Variants in PEX7 observed in about 807,000 individuals in gnomAD.
PEX7 encodes the protein peroxisomal biogenesis factor 7.
Under a neutral mutation model 47.5 loss-of-function variants are expected in PEX7, and 34 were observed. The ratio of observed to expected loss-of-function variants is 0.72; its 90% confidence interval spans 0.54 to 0.95. The LOEUF (loss-of-function observed/expected upper bound fraction) is 0.95. Among genes scored for constraint, PEX7 ranks in the 40% least tolerant of loss-of-function variants. PEX7 has a pLI of 0.00. For synonymous variants in PEX7, 141 were observed against 148.8 expected, an observed-to-expected ratio of 0.95 and a Z score of 0.38; for missense variants, 394 against 400.3, an observed-to-expected ratio of 0.98 and a Z score of 0.13.
chr6:136,845,745 C>T, intron 4 of PEX7, 53 bp downstream of exon 4: 1 of 1,103,728 alleles, frequency 9.1e-7, no homozygotes, highest in Non-Finnish European at 1.4e-6. Flanking sequence ...CTAGAGCTTC[C>T]ACTAAATTTT....
intron 9 of PEX7, among the ~76,000 whole-genome samples, chr6:136,913,161 T>G (rs1246816693): frequency 2.0e-5 from 3 of 152,160 alleles, no homozygotes; most frequent in African/African-American, 7.2e-5. Context: ...AGTAGGGAAT[T>G]ATGTAGCTGT....
At chr6:136,882,769 A>G (rs9483964) in intron 8 of PEX7, among the ~76,000 whole-genome samples, 2,404 of 151,176 alleles carry the variant, frequency 0.016, 74 homozygotes, top group African/African-American at 0.056. Context: ...TTAGTCTCCA[A>G]CTCTTTAGTG....
chr6:136,902,770 A>G (rs116546521), intron 9 of PEX7, among the ~76,000 whole-genome samples: 34 of 152,320 alleles, frequency 2.2e-4, no homozygotes, highest in African/African-American at 6.3e-4. Flanking sequence ...TGCAGTATCA[A>G]TTCTGCTCTT....
intron 5 of PEX7, among the ~76,000 whole-genome samples, chr6:136,862,109 C>G (rs1774977635): frequency 6.9e-6 from 1 of 144,488 alleles, no homozygotes; most frequent in Non-Finnish European, 1.5e-5. Context: ...CTCCATTGCC[C>G]AGGCTGGAGT....
At chr6:136,880,269 C>T (rs1775354063) in intron 8 of PEX7, among the ~76,000 whole-genome samples, 1 of 152,066 alleles carries the variant, frequency 6.6e-6, no homozygotes, top group Non-Finnish European at 1.5e-5. Context: ...TTGAGGTTGG[C>T]ACCTTTCCTT....
chr6:136,882,865 G>C (rs1220519681), intron 8 of PEX7, among the ~76,000 whole-genome samples: 1 of 151,996 alleles, frequency 6.6e-6, no homozygotes, highest in African/African-American at 2.4e-5. Context: ...ACTTAGCCAA[G>C]CTTTTAGTGT....
intron 5 of PEX7, among the ~76,000 whole-genome samples, chr6:136,855,212 A>G (rs1406951868): frequency 6.6e-6 from 1 of 152,194 alleles, no homozygotes; most frequent in African/African-American, 2.4e-5. Context: ...AATTTTGTAT[A>G]TTTGGAAAAG....
chr6:136,832,567 A>G (rs1227635223), intron 3 of PEX7, among the ~76,000 whole-genome samples: 1 of 152,158 alleles, frequency 6.6e-6, no homozygotes, highest in Non-Finnish European at 1.5e-5. Flanking sequence ...TAGGTTGCAA[A>G]TTTTCTGAAC....
intron 9 of PEX7, 142 bp downstream of exon 9, chr6:136,898,383 A>G (rs777047614): frequency 7.4e-6 from 5 of 675,870 alleles, no homozygotes; most frequent in African/African-American, 1.8e-5. Flanking sequence ...ACTAGGGAAT[A>G]AGAGGTATCA....
At chr6:136,865,543 C>T (rs1775049873) in intron 5 of PEX7, among the ~76,000 whole-genome samples, 1 of 152,144 alleles carries the variant, frequency 6.6e-6, no homozygotes, top group Admixed American at 6.5e-5. Context: ...AGGTGATCTG[C>T]CCACCTTGGC....
Position 136,826,427 on chromosome 6 carries a change from A to G in PEX7, c.297A>G (p.Lys99=), listed in dbSNP as rs766858149. 31 of 1,613,902 alleles carry G rather than the reference A, an allele frequency of 1.9e-5. No individual in the cohort carries two copies. Among genetic ancestry groups the G allele is most frequent in the African/African-American group, 2.7e-5 (2 of 74,838 alleles). Residue 99 remains lysine, a synonymous_variant, in exon 3 of 10, where the codon AAA becomes AAG. Coordinates refer to ENST00000318471, the MANE Select transcript of PEX7 (RefSeq NM_000288.4). ...DGSLQLWDTA[K]AAGPLQVYKE... Reference sequence around the variant, plus strand: ...CGCTGCAGCTCTGGGACACTGCCAAAGCTGCAGGGCCACTGCAAGTCTATA... The same window carrying G: ...CGCTGCAGCTCTGGGACACTGCCAAGGCTGCAGGGCCACTGCAAGTCTATA...
intron 3 of PEX7, among the ~76,000 whole-genome samples, chr6:136,839,584 A>C (rs1774457818): frequency 6.6e-6 from 1 of 152,166 alleles, no homozygotes; most frequent in Non-Finnish European, 1.5e-5. Context: ...CCTGCTCTTA[A>C]AGCATAAAGT....
intron 2 of PEX7, among the ~76,000 whole-genome samples, 157 bp downstream of exon 2, chr6:136,825,428 C>T (rs575406430): frequency 6.6e-4 from 100 of 152,178 alleles, no homozygotes; most frequent in African/African-American, 2.0e-3. Context: ...TGTGGTGGTG[C>T]GCACCTGTAG....
intron 3 of PEX7, among the ~76,000 whole-genome samples, chr6:136,841,481 A>G (rs1162486204): frequency 2.0e-5 from 3 of 152,220 alleles, no homozygotes; most frequent in South Asian, 2.1e-4. Flanking sequence ...GCCTATTGAC[A>G]TTTTAGCCAG....
At position 136,866,666 on chromosome 6, in the gene PEX7, G is replaced by C; in HGVS notation, c.566G>C (p.Gly189Ala). 6.2e-7 allele frequency: 1 copy of C among 1,614,064 alleles called. No individual in the cohort carries two copies. Among genetic ancestry groups the C allele is most frequent in the South Asian group, 1.1e-5 (1 of 91,080 alleles). ...AGAATATGGGATGTGAAGGCAGCAG[G>C]AGTAAGAATCGTGATTCCTGCACAT... The part of the protein sequence containing the change: ...TLRIWDVKAA[G>A]VRIVIPAHQA... Residue 189 changes from glycine (G) to alanine (A), a missense_variant, in exon 6 of 10, where the codon GGA becomes GCA. Physicochemically the swap from Gly to Ala is moderately conservative, Grantham distance 60. Transcript: ENST00000318471.
At chr6:136,892,645 T>C (rs1464807751) in intron 8 of PEX7, among the ~76,000 whole-genome samples, 1 of 152,198 alleles carries the variant, frequency 6.6e-6, no homozygotes, top group African/African-American at 2.4e-5. Flanking sequence ...GACACTTTTA[T>C]ACATGCAAAA....
chr6:136,900,471 G>T lies in PEX7; in HGVS notation c.903+2230G>T. Reference sequence around the variant, plus strand: ...TGGGACCAAGGACATTGCCCCCCCAGTGACAGCAGATCTCATCGTGTCTGT... The same window carrying T: ...TGGGACCAAGGACATTGCCCCCCCATTGACAGCAGATCTCATCGTGTCTGT... On this transcript the variant is annotated intron_variant, in intron 9 of 9. Transcript: ENST00000318471. This position sits in a 1 kb window ranked among gnomAD's most constrained non-coding sequence, Gnocchi z 4.2. 3 of 464,980 alleles carry T rather than the reference G, an allele frequency of 6.5e-6. No homozygotes were observed. The highest frequency in any genetic ancestry group is 8.5e-6 in the Non-Finnish European group (2 of 234,178). 28.8% of individuals were successfully genotyped at this position (464,980 alleles called of 1,614,324 possible). A position where few individuals can be genotyped will look rare whatever the true frequency, so the allele number is the denominator to read the frequency against.
At chr6:136,868,771 G>C (rs146437683) in intron 6 of PEX7, among the ~76,000 whole-genome samples, 2 of 151,826 alleles carry the variant, frequency 1.3e-5, no homozygotes, top group Non-Finnish European at 2.9e-5. Flanking sequence ...TTGCTGTTCT[G>C]AGTTATGTGG....
chr6:136,833,485 TACACA>T (rs1774330793), intron 3 of PEX7, among the ~76,000 whole-genome samples: 2 of 152,248 alleles, frequency 1.3e-5, no homozygotes, highest in African/African-American at 4.8e-5. Context: ...TGTTTAAGAC[TACACA>T]ACACATTTAT....
Sources: gnomAD v4.1 joint callset for allele counts (sites outside exome capture counted in the v4.1 genomes callset) on GRCh38, gnomAD v4.1.1 for gene constraint, Gnocchi (gnomAD v3.1) non-coding constraint, MANE v1.5 for transcripts, NCBI Gene and HGNC (gene_info 2026-07-23, HGNC 2026-07-21) for gene names.